DOCK2: variants seen among roughly 807,000 people sequenced by gnomAD.
DOCK2 encodes dedicator of cytokinesis protein 2.
A neutral mutation model predicts 248.9 loss-of-function variants in DOCK2; 87 were observed. That is an observed-to-expected ratio of 0.35 (90% CI 0.29 to 0.42). The LOEUF (loss-of-function observed/expected upper bound fraction) is 0.42, where lower values mean the gene tolerates loss of function less well. Ranked by LOEUF, DOCK2 falls within the 10% of genes least tolerant of loss-of-function variation. The pLI is 1.00. For synonymous variants in DOCK2, 805 were observed against 821.6 expected (o/e 0.98, Z 0.35); for missense variants, 1,747 against 2,300.2 (o/e 0.76, Z 4.92).
intron 26 of DOCK2, among the ~76,000 whole-genome samples, chr5:169,824,844 G>A (rs527418806): frequency 8.3e-4 from 126 of 152,266 alleles, no homozygotes; most frequent in African/African-American, 2.7e-3. Context: ...GCAACCTACA[G>A]AATGGGAGAA....
At chr5:170,009,689 G>A (rs548956837) in intron 32 of DOCK2, among the ~76,000 whole-genome samples, 51 of 152,202 alleles carry the variant, frequency 3.4e-4, no homozygotes, top group African/African-American at 7.5e-4. Flanking sequence ...TTCAGACTAC[G>A]CTTCTTGCTT....
At chr5:169,979,000 T>C (rs1364900842) in intron 27 of DOCK2, among the ~76,000 whole-genome samples, 1 of 152,160 alleles carries the variant, frequency 6.6e-6, no homozygotes, top group African/African-American at 2.4e-5. Context: ...TGGAATTCTG[T>C]TTTAAGAAGC....
intron 33 of DOCK2, among the ~76,000 whole-genome samples, chr5:170,025,549 C>T (rs1160993257): frequency 6.6e-6 from 1 of 152,226 alleles, no homozygotes; most frequent in Non-Finnish European, 1.5e-5. Context: ...AGCCGCACAG[C>T]AGACTCATTG....
intron 26 of DOCK2, among the ~76,000 whole-genome samples, chr5:169,809,053 G>A (rs563657587): frequency 2.0e-5 from 3 of 151,766 alleles, no homozygotes; most frequent in Admixed American, 2.0e-4. Context: ...GTGCAGTGGC[G>A]CAATCTCAGC....
chr5:170,047,077 C>A (rs2113849525), intron 39 of DOCK2, among the ~76,000 whole-genome samples: 1 of 152,264 alleles, frequency 6.6e-6, no homozygotes, highest in Non-Finnish European at 1.5e-5. Context: ...TATACATGCA[C>A]AGGAAAACAT....
intron 27 of DOCK2, among the ~76,000 whole-genome samples, chr5:169,846,661 T>C (rs183697178): frequency 0.012 from 1,687 of 145,074 alleles, 24 homozygotes; most frequent in African/African-American, 0.043. Context: ...TACACACACA[T>C]ATATATATAT....
chr5:169,643,089 A>G (rs192968350), intron 1 of DOCK2, among the ~76,000 whole-genome samples: 40 of 152,292 alleles, frequency 2.6e-4, no homozygotes, highest in African/African-American at 9.1e-4. Context: ...TCCCTTTAAT[A>G]GGCACTTTCT....
chr5:169,915,021 A>G (rs1207434013), intron 27 of DOCK2, among the ~76,000 whole-genome samples: 1 of 152,240 alleles, frequency 6.6e-6, no homozygotes, highest in African/African-American at 2.4e-5. Context: ...GCAAACTCAC[A>G]GCACAGTCAG....
At chr5:169,971,497 T>A in intron 27 of DOCK2, among the ~76,000 whole-genome samples, 1 of 150,242 alleles carries the variant, frequency 6.7e-6, no homozygotes, top group Non-Finnish European at 1.5e-5. Context: ...TTACAGGAGC[T>A]CATTAATGTG....
intron 6 of DOCK2, among the ~76,000 whole-genome samples, chr5:169,675,994 G>A (rs1453749498): frequency 1.3e-5 from 2 of 150,538 alleles, no homozygotes; most frequent in African/African-American, 4.9e-5. Flanking sequence ...ACTGCCGTTG[G>A]TTCCATGATG....
At chr5:169,903,705 G>A (rs1774097136) in intron 27 of DOCK2, among the ~76,000 whole-genome samples, 2 of 152,124 alleles carry the variant, frequency 1.3e-5, no homozygotes, top group African/African-American at 4.8e-5. Context: ...GGGGCAGGGG[G>A]AGAAAAGAAG....
chr5:169,995,610 G>C (rs1308977698), intron 29 of DOCK2, among the ~76,000 whole-genome samples: 1 of 152,236 alleles, frequency 6.6e-6, no homozygotes, highest in Non-Finnish European at 1.5e-5. Flanking sequence ...CTGTGAAACA[G>C]CATTTGTTGT....
intron 27 of DOCK2, among the ~76,000 whole-genome samples, chr5:169,925,031 A>C (rs1248081541): frequency 6.6e-6 from 1 of 152,148 alleles, no homozygotes; most frequent in Non-Finnish European, 1.5e-5. Flanking sequence ...TAAATCATCA[A>C]TAATATTAGA....
At chr5:170,080,101 T>C in intron 49 of DOCK2, 62 bp from the exon 50 acceptor site, 1 of 1,600,634 alleles carries the variant, frequency 6.2e-7, no homozygotes, top group African/African-American at 1.3e-5. Flanking sequence ...GAGACCCAGA[T>C]CTGCCTCATG....
intron 27 of DOCK2, among the ~76,000 whole-genome samples, chr5:169,897,538 G>C (rs999543204): frequency 5.3e-5 from 8 of 152,146 alleles, no homozygotes; most frequent in Non-Finnish European, 7.3e-5. Flanking sequence ...AAGACATGAT[G>C]GTCCCTTTAA....
intron 38 of DOCK2, among the ~76,000 whole-genome samples, chr5:170,042,848 T>A (rs946991273): frequency 2.0e-5 from 3 of 152,224 alleles, no homozygotes; most frequent in Admixed American, 6.5e-5. Flanking sequence ...CAATTTAGAA[T>A]GCTATGAGAG....
At chr5:169,680,537 C>T (rs1488906749) in intron 6 of DOCK2, among the ~76,000 whole-genome samples, 1 of 152,140 alleles carries the variant, frequency 6.6e-6, no homozygotes, top group Admixed American at 6.6e-5. Flanking sequence ...AATACCTCCT[C>T]TGTGTATATA....
chr5:169,883,007 T>C (rs775947429), intron 27 of DOCK2: 1 of 1,551,730 alleles, frequency 6.4e-7, no homozygotes, highest in South Asian at 1.2e-5. Context: ...CACGTTTCCT[T>C]TGACTGAGAT....
chr5:170,003,250 T>C (rs2113804827), intron 30 of DOCK2, among the ~76,000 whole-genome samples: 1 of 152,372 alleles, frequency 6.6e-6, no homozygotes, highest in Non-Finnish European at 1.5e-5. Context: ...GGTACCATTA[T>C]GTTGGGTATT....
Sources: allele counts gnomAD v4.1 joint callset (sites outside exome capture counted in the v4.1 genomes callset), GRCh38; gene constraint gnomAD v4.1.1; transcripts MANE v1.5; gene names NCBI Gene and HGNC (gene_info 2026-07-23, HGNC 2026-07-21).